Variants in MACF1 observed in about 807,000 individuals in gnomAD.
MACF1 encodes microtubule actin crosslinking factor 1.
In MACF1, 193 loss-of-function variants were observed where a neutral mutation model predicts 854.8. The ratio of observed to expected loss-of-function variants is 0.23; its 90% confidence interval spans 0.20 to 0.25. MACF1 has a LOEUF of 0.25. MACF1 is among the 10% of genes least tolerant of loss of function. MACF1 has a pLI of 1.00. For synonymous variants in MACF1, 3,185 were observed against 3,226.7 expected (o/e 0.99, Z 0.44); for missense variants, 7,722 against 8,929.1 (o/e 0.86, Z 5.45).
chr1:39,282,493 AT>A, intron 7 of MACF1, 119 bp downstream of exon 7: 1 of 1,191,214 alleles, frequency 8.4e-7, no homozygotes, highest in Non-Finnish European at 1.1e-6. Flanking sequence ...TCATTTGTTC[AT>A]TTGAAAAAGA....
At chr1:39,324,758 G>T in intron 35 of MACF1, 24 bp downstream of exon 35, 2 of 1,526,320 alleles carry the variant, frequency 1.3e-6, no homozygotes, top group Non-Finnish European at 1.8e-6. Context: ...GAGAGATTAT[G>T]GCACATCTGG....
rs1379969923 is a variant in MACF1, at chr1:39,331,808, G to A, written c.5220G>A (p.Leu1740=). The change falls in exon 37 of 101, where the codon TTG becomes TTA. Residue 1740 remains leucine, a synonymous_variant. Coordinates refer to ENST00000564288, the MANE Select transcript of MACF1 (RefSeq NM_001394062.1). ...AATTGGCAGGGGGGATGGTGAGCTT[G>A]AAATCAGGCCGGAAGGTTAGCATTT... ...VKQLAGGMVS[L]KSGRKVSIFR... 3.7e-6 allele frequency: 6 copies of A among 1,614,048 alleles called. No homozygotes were observed. The highest frequency in any genetic ancestry group is 5.1e-6 in the Non-Finnish European group (6 of 1,180,032).
At chr1:39,438,068 T>A in intron 71 of MACF1, 60 bp downstream of exon 71, 1 of 1,427,584 alleles carries the variant, frequency 7.0e-7, no homozygotes, top group Non-Finnish European at 9.7e-7. Context: ...GCTGTGGTTA[T>A]CTTCAGCATC....
At chr1:39,183,322 A>T (rs1472660830) in intron 2 of MACF1, among the ~76,000 whole-genome samples, 3 of 152,180 alleles carry the variant, frequency 2.0e-5, no homozygotes, top group Non-Finnish European at 4.4e-5. Flanking sequence ...TATCCATTGA[A>T]TTGTTTACCT....
chr1:39,142,018 A>G (rs1167711667), intron 2 of MACF1, among the ~76,000 whole-genome samples: 1 of 152,204 alleles, frequency 6.6e-6, no homozygotes, highest in East Asian at 1.9e-4. Flanking sequence ...TAGAGCTGGT[A>G]TCTGGTCTGC....
chr1:39,153,518 G>A (rs971084039), intron 2 of MACF1, among the ~76,000 whole-genome samples: 2 of 152,192 alleles, frequency 1.3e-5, no homozygotes, highest in African/African-American at 4.8e-5. Flanking sequence ...GCTTATTCGA[G>A]GGTCTGTAGC....
rs1255664906 is a variant in MACF1, at chr1:39,409,980, A to C, written c.15817-12394A>C. The C allele has an allele frequency of 9.1e-6, 3 of 328,896 alleles. No homozygotes were observed. The highest frequency in any genetic ancestry group is 1.7e-5 in the Non-Finnish European group (3 of 181,734). 20.4% of individuals were successfully genotyped at this position (328,896 alleles called of 1,614,324 possible). ...TTTTGTTGACTGTATTTGAAAGAGC[A>C]GTGCTCTTAAAAAAAATTAAACCAT... is the stretch of plus-strand genomic sequence containing the variant. On this transcript the variant is annotated intron_variant, in intron 58 of 100. Coordinates refer to ENST00000564288, the MANE Select transcript of MACF1 (RefSeq NM_001394062.1). This position sits in a 1 kb window ranked among gnomAD's most constrained non-coding sequence, Gnocchi z 4.2.
intron 55 of MACF1, among the ~76,000 whole-genome samples, chr1:39,380,823 G>A (rs1172558628): frequency 4.6e-5 from 7 of 152,014 alleles, no homozygotes; most frequent in Admixed American, 4.6e-4. Context: ...GAGGCGAGAC[G>A]ATTGCTTGAG....
rs1644185410 is a variant in MACF1 at position 39,444,531 on chromosome 1, T to A, written c.19432-131T>A. On this transcript the variant is annotated intron_variant, in intron 79 of 100. Transcript: ENST00000564288. ...TTCCCTTATGGCTCAGCACTTGAACTGAATCCAAAAGAATGGCTTGTAATC... is the reference window on the plus strand; with the variant it reads ...TTCCCTTATGGCTCAGCACTTGAACAGAATCCAAAAGAATGGCTTGTAATC... 3 of 677,664 alleles carry A rather than the reference T, an allele frequency of 4.4e-6. No homozygotes were observed. In the East Asian group the frequency reaches 8.4e-5, roughly 19 times the overall value. The allele number at this position is 677,664 out of a possible 1,614,324, so 42.0% of individuals were successfully genotyped here.
At chr1:39,404,508 T>C (rs1276826482) in intron 58 of MACF1, among the ~76,000 whole-genome samples, 1 of 151,900 alleles carries the variant, frequency 6.6e-6, no homozygotes, top group East Asian at 1.9e-4. Context: ...CAAAAAAATT[T>C]GGAGACAGGA....
chr1:39,196,850 T>A (rs1202164326), intron 2 of MACF1, among the ~76,000 whole-genome samples: 1 of 152,170 alleles, frequency 6.6e-6, no homozygotes, highest in Non-Finnish European at 1.5e-5. Flanking sequence ...TGCCTTGTGT[T>A]GAGATTTCTT....
rs202240610 is a variant in MACF1 at position 39,232,781 on chromosome 1, C to G, written c.171+1538C>G. Among the ~76,000 whole-genome samples the G allele has an allele frequency of 5.7e-4, 59 of 102,756 alleles. No homozygotes were observed. In the East Asian group the frequency reaches 6.2e-3, roughly 11 times the overall value. The allele number at this position is 102,756 out of a possible 152,430, so 67.4% of individuals were successfully genotyped here. On this transcript the variant is annotated intron_variant, in intron 2 of 100. Transcript: ENST00000564288. Reference sequence around the variant, plus strand: ...TTTTTTTTTTTTTGTTTGTTTGTTTCTTTGTTTGTTTGTTTTTTTGAGACA... The same window carrying G: ...TTTTTTTTTTTTTGTTTGTTTGTTTGTTTGTTTGTTTGTTTTTTTGAGACA...
At chr1:39,191,155 T>A (rs1186237408) in intron 2 of MACF1, among the ~76,000 whole-genome samples, 2 of 151,716 alleles carry the variant, frequency 1.3e-5, no homozygotes, top group Non-Finnish European at 2.9e-5. Context: ...AAGAAAATTT[T>A]AAAAATTCAC....
chr1:39,205,212 T>C (rs1644436699), intron 1 of MACF1, 81 bp downstream of exon 1: 2 of 692,082 alleles, frequency 2.9e-6, no homozygotes, highest in Non-Finnish European at 5.3e-6. Flanking sequence ...GTCTTCCCAG[T>C]TGCTTTCCTT....
intron 2 of MACF1, among the ~76,000 whole-genome samples, chr1:39,179,534 A>G (rs1235968592): frequency 1.3e-5 from 2 of 152,126 alleles, no homozygotes; most frequent in African/African-American, 4.8e-5. Context: ...GATAATTTCT[A>G]CCTGAAAGAA....
intron 2 of MACF1, chr1:39,103,059 T>G (rs1044687604): frequency 3.0e-6 from 2 of 665,864 alleles, no homozygotes; most frequent in Non-Finnish European, 5.5e-6. Context: ...AAATGCAAAT[T>G]TTGTCAAGAA....
At chr1:39,146,927 G>A (rs1643477214) in intron 2 of MACF1, among the ~76,000 whole-genome samples, 1 of 152,136 alleles carries the variant, frequency 6.6e-6, no homozygotes, top group Admixed American at 6.5e-5. Flanking sequence ...TACATTGCAT[G>A]CCTGTATGAA....
intron 2 of MACF1, among the ~76,000 whole-genome samples, chr1:39,143,766 T>TTTTTC (rs1262649879): frequency 1.3e-5 from 2 of 152,240 alleles, no homozygotes; most frequent in African/African-American, 2.4e-5. Context: ...AGGCAATTTC[T>TTTTTC]TTTTCTTTTC....
At chr1:39,421,624 G>A (rs150534787) in intron 58 of MACF1, among the ~76,000 whole-genome samples, 1 of 152,182 alleles carries the variant, frequency 6.6e-6, no homozygotes, top group African/African-American at 2.4e-5. Flanking sequence ...TCTTATTAGT[G>A]GTCAGTTAAG....
Sources: allele counts gnomAD v4.1 joint callset (sites outside exome capture counted in the v4.1 genomes callset), GRCh38; gene constraint gnomAD v4.1.1; non-coding constraint Gnocchi (gnomAD v3.1); transcripts MANE v1.5; gene names NCBI Gene and HGNC (gene_info 2026-07-23, HGNC 2026-07-21).